Variants in USP7 observed in about 807,000 individuals in gnomAD.
USP7 encodes ubiquitin specific peptidase 7, also known as ubiquitin C-terminal hydrolase 7.
In USP7, 9 loss-of-function variants were observed where a neutral mutation model predicts 162.9. The observed-to-expected ratio is 0.06, with a 90% confidence interval of 0.03 to 0.10. The LOEUF (loss-of-function observed/expected upper bound fraction) is 0.10, where lower values mean the gene tolerates loss of function less well. USP7 is among the 10% of genes least tolerant of loss of function. The pLI is 1.00. For synonymous variants in USP7, 562 were observed against 475.9 expected (o/e 1.18, Z -2.35); for missense variants, 715 against 1,373.7 (o/e 0.52, Z 7.58).
At chr16:8,946,947 A>G (rs1448291481) in intron 1 of USP7, among the ~76,000 whole-genome samples, 1 of 152,236 alleles carries the variant, frequency 6.6e-6, no homozygotes, top group East Asian at 1.9e-4. Flanking sequence ...ATGCAACTGG[A>G]AAAAATCCAC....
chr16:8,895,562 C>T, intron 27 of USP7, 80 bp downstream of exon 27: 1 of 1,189,824 alleles, frequency 8.4e-7, no homozygotes, highest in Non-Finnish European at 1.2e-6. Context: ...GCTACTTGTA[C>T]AACTTGCTGT....
chr16:8,893,782 G>A lies in USP7; in HGVS notation c.*216C>T. The A allele has an allele frequency of 1.9e-6, 1 of 522,036 alleles. No homozygotes were observed. The highest frequency in any genetic ancestry group is 3.5e-6 in the Non-Finnish European group (1 of 287,694). 32.3% of individuals were successfully genotyped at this position (522,036 alleles called of 1,614,324 possible). On this transcript the variant is annotated 3_prime_UTR_variant, in exon 31 of 31. Transcript: ENST00000344836. ...TGGTTACCATAAAATAACTCTCATT[G>A]GCATCCAAGCTTTATAAAAACATCT...
chr16:8,912,787 T>C (rs888420961), intron 10 of USP7, among the ~76,000 whole-genome samples: 1 of 141,862 alleles, frequency 7.0e-6, no homozygotes, highest in African/African-American at 2.6e-5. Context: ...GATAAATACA[T>C]AGAAAAAAAA....
chr16:8,934,130 G>C (rs1002640130), intron 1 of USP7, among the ~76,000 whole-genome samples: 7 of 152,116 alleles, frequency 4.6e-5, no homozygotes, highest in Admixed American at 3.9e-4. Flanking sequence ...CTTACCCTAC[G>C]ACAATAGCTT....
intron 1 of USP7, among the ~76,000 whole-genome samples, chr16:8,955,523 C>T (rs1210496251): frequency 2.0e-5 from 3 of 152,060 alleles, no homozygotes; most frequent in African/African-American, 7.2e-5. Flanking sequence ...GCCTGGCCAA[C>T]ATGGGGAAAC....
At position 8,935,366 on chromosome 16, in the gene USP7, T is replaced by C. The variant is rs140404860; in HGVS notation, c.80-4969A>G. Among the ~76,000 whole-genome samples the C allele has an allele frequency of 4.8e-3, 731 of 152,254 alleles. 10 individuals are homozygous for C. The highest frequency in any genetic ancestry group is 0.017 in the African/African-American group (702 of 41,554). On this transcript the variant is annotated intron_variant, in intron 1 of 30. Transcript: ENST00000344836. ...CTGGGATTACAGGCACCTGCCATCATGCCCAGCTAATTTGTCTGTATTTTT... is the reference window on the plus strand; with the variant it reads ...CTGGGATTACAGGCACCTGCCATCACGCCCAGCTAATTTGTCTGTATTTTT...
rs2061629845 is a variant in USP7 at position 8,893,318 on chromosome 16, A to G, written c.*680T>C. Reference sequence around the variant, plus strand: ...GAGTAAACCTTAATTGAATTTAACAATGTTCTTGATTTAATAAAAAGACCC... The same window carrying G: ...GAGTAAACCTTAATTGAATTTAACAGTGTTCTTGATTTAATAAAAAGACCC... On this transcript the variant is annotated 3_prime_UTR_variant, in exon 31 of 31. Transcript: ENST00000344836. 1 of 152,216 alleles carries G rather than the reference A, an allele frequency of 6.6e-6. No individual in the cohort carries two copies. The highest frequency in any genetic ancestry group is 1.5e-5 in the Non-Finnish European group (1 of 68,074). 9.4% of individuals were successfully genotyped at this position (152,216 alleles called of 1,614,324 possible).
chr16:8,897,496 A>G (rs893910843), intron 25 of USP7, among the ~76,000 whole-genome samples: 2 of 151,842 alleles, frequency 1.3e-5, no homozygotes, highest in African/African-American at 4.8e-5. Context: ...TACAAAGGTG[A>G]GGCTATTTAT....
chr16:8,896,883 C>A (rs1400304206), intron 26 of USP7, 116 bp downstream of exon 26: 14 of 795,986 alleles, frequency 1.8e-5, no homozygotes, highest in Non-Finnish European at 2.9e-5. Flanking sequence ...CCCACTGAGT[C>A]TGGGAATGAC....
intron 11 of USP7, 43 bp from the exon 12 acceptor site, chr16:8,908,493 T>G: frequency 2.6e-6 from 4 of 1,540,456 alleles, no homozygotes; most frequent in African/African-American, 1.4e-5. Context: ...AGCCTCTACT[T>G]ACTCCTGGAA....
chr16:8,896,969 C>T lies in USP7; in HGVS notation c.2819+30G>A, dbSNP rs769442923. On this transcript the variant is annotated intron_variant, in intron 26 of 30. Transcript: ENST00000344836. ...GCGTTAACTGCCACCCCTAACTGAA[C>T]GTCCACAATTGGGCTCAAGAAATAC... 10 of 1,558,948 alleles carry T rather than the reference C, an allele frequency of 6.4e-6. No homozygotes were observed. The African/African-American group carries it at 6.8e-5, about 11-fold the overall frequency.
chr16:8,929,461 C>T (rs1898195537), intron 2 of USP7: 2 of 455,912 alleles, frequency 4.4e-6, no homozygotes, highest in Non-Finnish European at 4.4e-6. Flanking sequence ...GGAGGCTGAA[C>T]TTTTGGCAGG....
At chr16:8,922,112 A>G (rs1323867686) in intron 3 of USP7, among the ~76,000 whole-genome samples, 1 of 152,224 alleles carries the variant, frequency 6.6e-6, no homozygotes, top group Non-Finnish European at 1.5e-5. Flanking sequence ...TCATCAGATC[A>G]CATCATAATG....
At chr16:8,927,553 A>C (rs755324899) in intron 2 of USP7, among the ~76,000 whole-genome samples, 1 of 152,200 alleles carries the variant, frequency 6.6e-6, no homozygotes, top group Non-Finnish European at 1.5e-5. Context: ...TATTTGCTCT[A>C]AAACTTCCTT....
chr16:8,905,245 C>T lies in USP7; in HGVS notation c.1515G>A (p.Leu505=). ...AAGCATTAGTGCAGTGTCGAACAGACAGGTCGTCATCGTGACCCCCATAAT... is the reference window on the plus strand; with the variant it reads ...AAGCATTAGTGCAGTGTCGAACAGATAGGTCGTCATCGTGACCCCCATAAT... ...EHNYGGHDDD[L]SVRHCTNAYM... is the part of the protein sequence containing the mutation. The change falls in exon 14 of 31, where the codon CTG becomes CTA. Residue 505 remains leucine (L), a synonymous_variant. Coordinates refer to ENST00000344836, the MANE Select transcript of USP7 (RefSeq NM_003470.3). 2.5e-6 allele frequency: 4 copies of T among 1,614,202 alleles called. No individual in the cohort carries two copies. Among genetic ancestry groups the T allele is most frequent in the Non-Finnish European group, 2.5e-6 (3 of 1,180,042 alleles).
At chr16:8,927,497 G>A (rs1333130125) in intron 2 of USP7, among the ~76,000 whole-genome samples, 1 of 152,036 alleles carries the variant, frequency 6.6e-6, no homozygotes, top group Non-Finnish European at 1.5e-5. Flanking sequence ...TAGTTTCATG[G>A]AGAACAACAT....
chr16:8,895,899 T>C (rs2061674195), intron 26 of USP7, among the ~76,000 whole-genome samples, 158 bp from the exon 27 acceptor site: 2 of 150,616 alleles, frequency 1.3e-5, no homozygotes, highest in Admixed American at 6.6e-5. Flanking sequence ...TGCAACAGCA[T>C]GGTCTCAGCT....
intron 1 of USP7, chr16:8,962,639 C>A: frequency 3.8e-6 from 1 of 265,820 alleles, no homozygotes; most frequent in Non-Finnish European, 8.0e-6. Flanking sequence ...CGGGTCAGAA[C>A]TCTGGGCCAG....
At position 8,910,825 on chromosome 16, in the gene USP7, A is replaced by T; in HGVS notation, c.1081T>A (p.Phe361Ile). ...GCCACATAATCCACAAATGATTCAA[A>T]TACTTTAAAGAGAGAGAGAGAAAAG... ...QLSIKGKKNIFESFVDYVAVE... is the reference protein window; with the variant it reads ...QLSIKGKKNIIESFVDYVAVE... Residue 361 changes from phenylalanine (F) to isoleucine (I), a missense_variant and splice_region_variant, in exon 11 of 31, where the codon TTT (phenylalanine) becomes ATT (isoleucine). Around this residue, in one of 11 missense-constraint regions of USP7, gnomAD observed 21 missense variants for 23.8 expected, o/e 0.88. Transcript: ENST00000344836. The T allele has an allele frequency of 6.2e-7, 1 of 1,613,618 alleles. No homozygotes were observed. The highest frequency in any genetic ancestry group is 8.5e-7 in the Non-Finnish European group (1 of 1,179,764).
Sources: gnomAD v4.1 joint callset for allele counts (sites outside exome capture counted in the v4.1 genomes callset) on GRCh38, gnomAD v4.1.1 for gene constraint, gnomAD v4.1.1 regional missense constraint, MANE v1.5 for transcripts, NCBI Gene and HGNC (gene_info 2026-07-23, HGNC 2026-07-21) for gene names.